The following ARG2 variants were observed in gnomAD, a reference collection of about 807,000 sequenced individuals.
ARG2 encodes arginase 2.
Under a neutral mutation model 39.4 loss-of-function variants are expected in ARG2, and 21 were observed. That is an observed-to-expected ratio of 0.53 (90% CI 0.38 to 0.77). The LOEUF (loss-of-function observed/expected upper bound fraction) is 0.77. Among genes scored for constraint, ARG2 ranks in the 30% least tolerant of loss-of-function variants. The pLI, the probability that ARG2 is intolerant of heterozygous loss-of-function variation, is 0.00. For synonymous variants in ARG2, 150 were observed against 156.7 expected (o/e 0.96, Z 0.32); for missense variants, 378 against 426.2 (o/e 0.89, Z 1.00).
At chr14:67,624,464 G>A (rs1447197485) in intron 2 of ARG2, among the ~76,000 whole-genome samples, 2 of 152,172 alleles carry the variant, frequency 1.3e-5, no homozygotes, top group Non-Finnish European at 2.9e-5. Context: ...TTCTGCTTCT[G>A]GGGAGGCCCC....
rs1296264822 is a variant in ARG2, at chr14:67,647,077, T to C, written c.722+52T>C. On this transcript the variant is annotated intron_variant, in intron 6 of 7. Transcript: ENST00000261783. The stretch of plus-strand genomic sequence containing the variant: ...CAAACCCCCAATGGGCAACACACTT[T>C]TAGCCTGTTTCTTGAGGACAGCAGC... 4 of 1,135,086 alleles carry C rather than the reference T, an allele frequency of 3.5e-6. No individual in the cohort carries two copies. The African/African-American group carries it at 6.1e-5, about 17-fold the overall frequency. The allele number at this position is 1,135,086 out of a possible 1,614,324, so 70.3% of individuals were successfully genotyped here. A position where few individuals can be genotyped will look rare whatever the true frequency, so the allele number is the denominator to read the frequency against.
intron 2 of ARG2, 89 bp downstream of exon 2, chr14:67,621,055 T>C (rs927671074): frequency 3.1e-6 from 4 of 1,290,174 alleles, no homozygotes; most frequent in Non-Finnish European, 4.5e-6. Context: ...CTACACAGCT[T>C]TGTGTTTGGG....
intron 2 of ARG2, among the ~76,000 whole-genome samples, chr14:67,626,998 T>C (rs1263854721): frequency 6.6e-6 from 1 of 152,134 alleles, no homozygotes; most frequent in Non-Finnish European, 1.5e-5. Flanking sequence ...TCCATTTATA[T>C]GAACTGTCTA....
At chr14:67,629,194 G>A (rs2036895249) in intron 2 of ARG2, among the ~76,000 whole-genome samples, 1 of 152,122 alleles carries the variant, frequency 6.6e-6, no homozygotes, top group Non-Finnish European at 1.5e-5. Context: ...AAATTAGCCA[G>A]GTGTGGTGGT....
chr14:67,642,137 T>G, intron 2 of ARG2, 49 bp from the exon 3 acceptor site: 1 of 1,577,052 alleles, frequency 6.3e-7, no homozygotes, highest in Non-Finnish European at 8.7e-7. Context: ...TAGTTAAGAG[T>G]TGGAGATAGC....
chr14:67,629,940 AAT>A (rs2036902419), intron 2 of ARG2, among the ~76,000 whole-genome samples: 1 of 152,158 alleles, frequency 6.6e-6, no homozygotes, highest in Non-Finnish European at 1.5e-5. Context: ...CAAAAATATA[AAT>A]AGTTTCAAAA....
At chr14:67,642,405 G>GT (rs1456688097) in intron 3 of ARG2, 42 bp downstream of exon 3, 1 of 1,602,206 alleles carries the variant, frequency 6.2e-7, no homozygotes, top group South Asian at 1.1e-5. Context: ...GGATTACATG[G>GT]TGCTTGGGGC....
Position 67,642,168 on chromosome 14 carries a change from T to A in ARG2, c.185-18T>A, listed in dbSNP as rs369833861. On this transcript the variant is annotated intron_variant, in intron 2 of 7. Coordinates refer to ENST00000261783, the MANE Select transcript of ARG2 (RefSeq NM_001172.4). ...ATAGCACAGAAAATTCATCTTGTCA[T>A]CCCTCATTTGCTTCCAGGCTGCCAC... is the stretch of plus-strand genomic sequence containing the variant. 6.5e-5 allele frequency: 104 copies of A among 1,611,256 alleles called. No homozygotes were observed. The highest frequency in any genetic ancestry group is 7.6e-5 in the Non-Finnish European group (89 of 1,177,722).
At chr14:67,639,438 T>G (rs1223192944) in intron 2 of ARG2, among the ~76,000 whole-genome samples, 1 of 152,134 alleles carries the variant, frequency 6.6e-6, no homozygotes, top group East Asian at 1.9e-4. Flanking sequence ...TTCCTTAGAG[T>G]GCAATTACCA....
At chr14:67,648,248 G>T in intron 7 of ARG2, 65 bp downstream of exon 7, 1 of 1,518,896 alleles carries the variant, frequency 6.6e-7, no homozygotes, top group Admixed American at 2.0e-5. Context: ...TCTCTTGCCT[G>T]CAAAGGATCT....
chr14:67,629,583 G>A (rs956218567), intron 2 of ARG2, among the ~76,000 whole-genome samples: 1 of 152,184 alleles, frequency 6.6e-6, no homozygotes, highest in African/African-American at 2.4e-5. Flanking sequence ...TGTTTTGCAA[G>A]ATGAGTTCTG....
intron 7 of ARG2, 148 bp downstream of exon 7, chr14:67,648,331 C>G (rs1380099134): frequency 2.1e-5 from 18 of 852,676 alleles, no homozygotes; most frequent in Admixed American, 6.3e-5. Context: ...TATGGCCATG[C>G]TAATAAAAAG....
At chr14:67,643,092 T>G (rs1217682851) in intron 3 of ARG2, among the ~76,000 whole-genome samples, 1 of 152,184 alleles carries the variant, frequency 6.6e-6, no homozygotes, top group Non-Finnish European at 1.5e-5. Flanking sequence ...CATGAGCCAC[T>G]GTGCCCAGCT....
At chr14:67,626,341 G>C (rs1279970387) in intron 2 of ARG2, among the ~76,000 whole-genome samples, 3 of 152,124 alleles carry the variant, frequency 2.0e-5, no homozygotes, top group Non-Finnish European at 4.4e-5. Context: ...ACAATACCAA[G>C]TATTGGTGAG....
intron 4 of ARG2, 35 bp downstream of exon 4, chr14:67,645,837 C>T (rs1483125950): frequency 6.2e-7 from 1 of 1,608,260 alleles, no homozygotes. Flanking sequence ...AGGTGAATGG[C>T]TTGCAGGGTT....
Position 67,621,014 on chromosome 14 carries a change from A to T in ARG2, c.184+48A>T, listed in dbSNP as rs3742876. 5.7e-3 allele frequency: 8,932 copies of T among 1,560,294 alleles called. 322 individuals are homozygous for T. In the East Asian group the frequency reaches 0.082, roughly 14 times the overall value. ...ATTAGTGCAGGACTAGTAATAGACC[A>T]CTTCAGAGTCTTTTCTCTGACATCC... On this transcript the variant is annotated intron_variant, in intron 2 of 7. Transcript: ENST00000261783.
At chr14:67,643,880 AAAG>A (rs1215797421) in intron 3 of ARG2, among the ~76,000 whole-genome samples, 50 of 148,740 alleles carry the variant, frequency 3.4e-4, no homozygotes, top group Admixed American at 1.3e-3. Flanking sequence ...AAAAAAAAAA[AAAG>A]ACTCAGGTTG....
At position 67,642,793 on chromosome 14, in the gene ARG2, C is replaced by CTTTTTTTTTTTTTTTT. The variant is rs869215946; in HGVS notation, c.362+442_362+457dup. Among the ~76,000 whole-genome samples the CTTTTTTTTTTTTTTTT allele has an allele frequency of 5.6e-4, 42 of 75,556 alleles. 13 individuals carry two copies. The highest frequency in any genetic ancestry group is 1.3e-3 in the South Asian group (2 of 1,596). 49.6% of individuals were successfully genotyped at this position (75,556 alleles called of 152,430 possible). A position where few individuals can be genotyped will look rare whatever the true frequency, so the allele number is the denominator to read the frequency against. On this transcript the variant is annotated intron_variant, in intron 3 of 7. Transcript: ENST00000261783. ...CCCCTTTGGCATGTTACTACATTTT[C>CTTTTTTTTTTTTTTTT]TTTTTTTTTTTTTTTTTTTTTTTTT...
chr14:67,646,730 TC>T lies in ARG2; in HGVS notation c.611del (p.Pro204LeufsTer6). On this transcript the variant is annotated frameshift_variant, in exon 5 of 8. Transcript: ENST00000261783. LOFTEE classifies it high-confidence loss of function. ...ATATTGGTCTGAGAGACGTGGACCC[TC>T]CTGAACAGTAAGTTGATGCATTTGG... ...VYIGLRDVDP[P>X]EHFILKNYDI... 1 of 1,611,216 alleles carries T rather than the reference TC, an allele frequency of 6.2e-7. No individual in the cohort carries two copies. The highest frequency in any genetic ancestry group is 8.5e-7 in the Non-Finnish European group (1 of 1,177,422).
Sources: allele counts gnomAD v4.1 joint callset (sites outside exome capture counted in the v4.1 genomes callset), GRCh38; gene constraint gnomAD v4.1.1; transcripts MANE v1.5; gene names NCBI Gene and HGNC (gene_info 2026-07-23, HGNC 2026-07-21).